SRRM2: variants seen among roughly 807,000 people sequenced by gnomAD.
SRRM2 encodes serine/arginine repetitive matrix 2.
A neutral mutation model predicts 213.8 loss-of-function variants in SRRM2; 30 were observed. That is an observed-to-expected ratio of 0.14 (90% CI 0.10 to 0.19). SRRM2 has a LOEUF of 0.19. SRRM2 is among the 10% of genes least tolerant of loss of function. The pLI is 1.00. For synonymous variants in SRRM2, 2,025 were observed against 1,377.7 expected, an observed-to-expected ratio of 1.47 and a Z score of -10.40; for missense variants, 4,904 against 3,647.0, an observed-to-expected ratio of 1.34 and a Z score of -8.88.
At position 2,763,389 on chromosome 16, in the gene SRRM2, C is replaced by A. The variant is rs779473304; in HGVS notation, c.2861C>A (p.Ser954Tyr). The change falls in exon 11 of 15, where the codon TCT becomes TAT. Residue 954 changes from serine (S) to tyrosine (Y), a missense_variant. Transcript: ENST00000301740. The stretch of plus-strand genomic sequence containing the variant: ...ACTCCACGGCGAAGCAGATCAGTAT[C>A]TCCCTGCTCCAATGTGGAATCCAGA... The part of the protein sequence containing the change: ...RTTPRRSRSV[S>Y]PCSNVESRLL... The A allele has an allele frequency of 3.7e-6, 6 of 1,614,122 alleles. No homozygotes were observed. The African/African-American group carries it at 6.7e-5, about 18-fold the overall frequency.
In SRRM2 at chr16:2,768,096, C is replaced by T. The variant is rs117824484; in HGVS notation, c.7568C>T (p.Ala2523Val). 2.5e-6 allele frequency: 4 copies of T among 1,614,080 alleles called. No individual in the cohort carries two copies. In the Admixed American group the frequency reaches 6.7e-5, roughly 27 times the overall value. Residue 2523 changes from alanine (A) to valine (V), a missense_variant, in exon 11 of 15, where the codon GCC (alanine) becomes GTC (valine). Physicochemically the swap from Ala to Val is moderately conservative, Grantham distance 64. Transcript: ENST00000301740. ...TGAQQPSALA[A>V]LQPAKERRSS... ...GCCCAGCAGCCTTCTGCATTAGCCG[C>T]CCTGCAGCCAGCAAAGGAGCGGCGG...
At chr16:2,759,475 T>G in intron 8 of SRRM2, 73 bp downstream of exon 8, 1 of 1,598,980 alleles carries the variant, frequency 6.3e-7, no homozygotes, top group East Asian at 2.2e-5. Context: ...TTGAATGAGT[T>G]ATGTCCCTGA....
In SRRM2 at chr16:2,768,279, T is replaced by G. The variant is rs76299378; in HGVS notation, c.7733+18T>G. The G allele has an allele frequency of 1.1e-3, 1,723 of 1,525,686 alleles. 23 individuals are homozygous for G. The African/African-American group carries it at 0.022, about 20-fold the overall frequency. 94.5% of individuals were successfully genotyped at this position (1,525,686 alleles called of 1,614,324 possible). Reference sequence around the variant, plus strand: ...CTGAAGAGGTGAGGGAGCTTGACTTTTAGAAATCTTCAGTGGGGGAGGTAT... The same window carrying G: ...CTGAAGAGGTGAGGGAGCTTGACTTGTAGAAATCTTCAGTGGGGGAGGTAT... On this transcript the variant is annotated intron_variant, in intron 11 of 14. Coordinates refer to ENST00000301740, the MANE Select transcript of SRRM2 (RefSeq NM_016333.4).
chr16:2,765,171 A>G lies in SRRM2; in HGVS notation c.4643A>G (p.Lys1548Arg). Residue 1548 changes from lysine to arginine, a missense_variant, in exon 11 of 15, where the codon AAA becomes AGA. Coordinates refer to ENST00000301740, the MANE Select transcript of SRRM2 (RefSeq NM_016333.4). ...GGATCCTCTCAAGAACTTGATGTGA[A>G]ACCCAGTGCATCCCCTCAGGAAAGA... ...RSGSSQELDV[K>R]PSASPQERSE... is the part of the protein sequence containing the mutation. The G allele has an allele frequency of 1.2e-6, 2 of 1,614,180 alleles. No homozygotes were observed. The highest frequency in any genetic ancestry group is 2.2e-5 in the South Asian group (2 of 91,082).
In SRRM2 at chr16:2,763,332, C is replaced by G. The variant is rs778128401; in HGVS notation, c.2804C>G (p.Ser935Cys). ...PRQRSHSGSS[S>C]PSPSRVTSRT... is the part of the protein sequence containing the mutation. ...CAAAGAAGCCATTCTGGCTCCTCTT[C>G]TCCAAGTCCTAGTAGGGTGACGTCG... The change falls in exon 11 of 15, where the codon TCT becomes TGT. Residue 935 changes from serine to cysteine, a missense_variant. Coordinates refer to ENST00000301740, the MANE Select transcript of SRRM2 (RefSeq NM_016333.4). The G allele has an allele frequency of 3.2e-5, 52 of 1,614,106 alleles. No individual in the cohort carries two copies. The Admixed American group carries it at 7.2e-4, about 22-fold the overall frequency.
In SRRM2 at chr16:2,757,130, A is replaced by G. The variant is rs544633263; in HGVS notation, c.243-342A>G. Reference sequence around the variant, plus strand: ...AGAGCAGTGGTTTTAAACTTCAGCAATGGTGATCCTTTTATACAGTATCCC... The same window carrying G: ...AGAGCAGTGGTTTTAAACTTCAGCAGTGGTGATCCTTTTATACAGTATCCC... On this transcript the variant is annotated intron_variant, in intron 2 of 14. Transcript: ENST00000301740. 9.2e-5 allele frequency among the ~76,000 whole-genome samples: 14 copies of G among 152,322 alleles called. No individual in the cohort carries two copies. The East Asian group carries it at 1.2e-3, about 13-fold the overall frequency.
Position 2,757,545 on chromosome 16 carries a change from G to A in SRRM2, c.316G>A (p.Gly106Arg). Residue 106 changes from glycine (G) to arginine (R), a missense_variant, in exon 3 of 15, where the codon GGG becomes AGG. Coordinates refer to ENST00000301740, the MANE Select transcript of SRRM2 (RefSeq NM_016333.4). Reference sequence around the variant, plus strand: ...GTTGCTGGAGAAGGATGTGAACCCTGGGGGCAAGGAGGAGACCCCAGGGCA... The same window carrying A: ...GTTGCTGGAGAAGGATGTGAACCCTAGGGGCAAGGAGGAGACCCCAGGGCA... The part of the protein sequence containing the change: ...LMLLEKDVNP[G>R]GKEETPGQRP... The A allele has an allele frequency of 6.2e-7, 1 of 1,614,054 alleles. No homozygotes were observed. The highest frequency in any genetic ancestry group is 8.5e-7 in the Non-Finnish European group (1 of 1,179,986).
chr16:2,752,706 G>C lies in SRRM2; in HGVS notation c.-172G>C. The C allele has an allele frequency of 2.9e-6, 1 of 346,694 alleles. No individual in the cohort carries two copies. Among genetic ancestry groups the C allele is most frequent in the South Asian group, 1.9e-5 (1 of 52,104 alleles). 21.5% of individuals were successfully genotyped at this position (346,694 alleles called of 1,614,324 possible). Reference sequence around the variant, plus strand: ...GTTGGAGCCCGTTGCGGCCCCTGAGGAAGCGAGGAGGCGTCGGCGTCGGCT... The same window carrying C: ...GTTGGAGCCCGTTGCGGCCCCTGAGCAAGCGAGGAGGCGTCGGCGTCGGCT... On this transcript the variant is annotated 5_prime_UTR_variant, in exon 1 of 15. Coordinates refer to ENST00000301740, the MANE Select transcript of SRRM2 (RefSeq NM_016333.4).
chr16:2,768,594 T>C (rs535388704), intron 11 of SRRM2: 1 of 629,860 alleles, frequency 1.6e-6, no homozygotes, highest in African/African-American at 1.8e-5. Context: ...GGAAGGATCT[T>C]CAGAGGTCAT....
chr16:2,757,357 A>G, intron 2 of SRRM2, 115 bp from the exon 3 acceptor site: 1 of 780,846 alleles, frequency 1.3e-6, no homozygotes, highest in Non-Finnish European at 2.1e-6. Context: ...GGTGAGCGAA[A>G]AGTTCTGTGT....
chr16:2,763,952 T>C lies in SRRM2; in HGVS notation c.3424T>C (p.Ser1142Pro), dbSNP rs762987403. 1 of 1,614,066 alleles carries C rather than the reference T, an allele frequency of 6.2e-7. No homozygotes were observed. The highest frequency in any genetic ancestry group is 1.7e-5 in the Admixed American group (1 of 60,004). ...SPEQSRFQSD[S>P]SSYPTVDSNS... ...TGAGCAGAGCAGGTTCCAGTCTGAC[T>C]CTTCTTCATATCCTACAGTGGACTC... The change falls in exon 11 of 15, where the codon TCT (serine) becomes CCT (proline). Residue 1142 changes from serine to proline, a missense_variant. Transcript: ENST00000301740.
In SRRM2 at chr16:2,765,848, C is replaced by T. The variant is rs753451106; in HGVS notation, c.5320C>T (p.Arg1774Cys). The T allele has an allele frequency of 2.4e-5, 39 of 1,613,928 alleles. No homozygotes were observed. Among genetic ancestry groups the T allele is most frequent in the African/African-American group, 8.0e-5 (6 of 74,906 alleles). ...AAAGCCTCGTGGACTCCAGAGGTCC[C>T]GTTCCCGCTCAAGGAGAGAGAAAAC... ...SPKPRGLQRS[R>C]SRSRREKTRT... Residue 1774 changes from arginine (R) to cysteine (C), a missense_variant, in exon 11 of 15, where the codon CGT becomes TGT. Transcript: ENST00000301740.
Position 2,765,549 on chromosome 16 carries a change from C to T in SRRM2, c.5021C>T (p.Ser1674Leu), listed in dbSNP as rs750513208. 1 of 1,614,188 alleles carries T rather than the reference C, an allele frequency of 6.2e-7. No individual in the cohort carries two copies. The highest frequency in any genetic ancestry group is 8.5e-7 in the Non-Finnish European group (1 of 1,180,022). The change falls in exon 11 of 15, where the codon TCA becomes TTA. Residue 1674 changes from serine (S) to leucine (L), a missense_variant. Transcript: ENST00000301740. ...AGAACTGCTCGCAGAGGTTCCAGGTCATCACCAGAGCCCAAGACCAAGTCT... is the reference window on the plus strand; with the variant it reads ...AGAACTGCTCGCAGAGGTTCCAGGTTATCACCAGAGCCCAAGACCAAGTCT... ...KSRTARRGSRSSPEPKTKSRT... is the reference protein window; with the variant it reads ...KSRTARRGSRLSPEPKTKSRT...
intron 10 of SRRM2, 24 bp downstream of exon 10, chr16:2,760,523 TC>T (rs1258095563): frequency 6.2e-7 from 1 of 1,612,532 alleles, no homozygotes; most frequent in Non-Finnish European, 8.5e-7. Context: ...TTGGTGATGT[TC>T]ATTGGATTGC....
Position 2,761,900 on chromosome 16 carries a change from A to G in SRRM2, c.1372A>G (p.Thr458Ala). Residue 458 changes from threonine to alanine, a missense_variant, in exon 11 of 15, where the codon ACA (threonine) becomes GCA (alanine). Physicochemically the swap from Thr to Ala is moderately conservative, Grantham distance 58. Transcript: ENST00000301740. ...GSHREISSSPTSKNRSHGRAK... is the reference protein window; with the variant it reads ...GSHREISSSPASKNRSHGRAK... ...CCACCGAGAGATTTCTTCTTCTCCC[A>G]CATCTAAGAATCGCTCACATGGCCG... is the stretch of plus-strand genomic sequence containing the variant. 6.2e-7 allele frequency: 1 copy of G among 1,613,262 alleles called. No homozygotes were observed. The highest frequency in any genetic ancestry group is 8.5e-7 in the Non-Finnish European group (1 of 1,179,960).
At chr16:2,753,371 C>T (rs1227248381) in intron 1 of SRRM2, 1 of 152,260 alleles carries the variant, frequency 6.6e-6, no homozygotes, top group Non-Finnish European at 1.5e-5. Flanking sequence ...AAAATAGGCC[C>T]CCGGCGCTGC....
chr16:2,769,856 C>T (rs2068680997), intron 12 of SRRM2: 2 of 466,256 alleles, frequency 4.3e-6, no homozygotes, highest in Non-Finnish European at 8.5e-6. Flanking sequence ...ATGCCCTGTG[C>T]TCCAGCCACA....
rs1454103951 is a variant in SRRM2 at position 2,770,696 on chromosome 16, C to T, written c.8228C>T (p.Pro2743Leu). 2.6e-6 allele frequency: 4 copies of T among 1,559,282 alleles called. No homozygotes were observed. Among genetic ancestry groups the T allele is most frequent in the Middle Eastern group, 1.7e-4 (1 of 5,996 alleles). ...KRRRETPSPR[P>L]MRHRSSRSP ...AGGAGGGAGACACCTAGCCCTCGGC[C>T]CATGAGACACCGCTCCTCCAGGTGC... Residue 2743 changes from proline (P) to leucine (L), a missense_variant, in exon 14 of 15, where the codon CCC becomes CTC. Coordinates refer to ENST00000301740, the MANE Select transcript of SRRM2 (RefSeq NM_016333.4).
At position 2,763,077 on chromosome 16, in the gene SRRM2, C is replaced by A; in HGVS notation, c.2549C>A (p.Pro850Gln). 1.2e-6 allele frequency: 2 copies of A among 1,614,146 alleles called. No individual in the cohort carries two copies. The highest frequency in any genetic ancestry group is 1.6e-4 in the Middle Eastern group (1 of 6,062). ...CCTAAAGTGAAATCTGGAACACCAC[C>A]GAGGCAAGGGTCCATAACAAGTCCC... ...PHPKVKSGTP[P>Q]RQGSITSPQA... The change falls in exon 11 of 15, where the codon CCG becomes CAG. Residue 850 changes from proline (P) to glutamine (Q), a missense_variant. Transcript: ENST00000301740.
Sources: gnomAD v4.1 joint callset for allele counts (sites outside exome capture counted in the v4.1 genomes callset) on GRCh38, gnomAD v4.1.1 for gene constraint, MANE v1.5 for transcripts, NCBI Gene and HGNC (gene_info 2026-07-23, HGNC 2026-07-21) for gene names.